ZUP1: variants seen among roughly 807,000 people sequenced by gnomAD.
ZUP1 encodes zinc finger containing ubiquitin peptidase 1.
In ZUP1, 55 loss-of-function variants were observed where a neutral mutation model predicts 68.1. The ratio of observed to expected loss-of-function variants is 0.81; its 90% CI spans 0.65 to 1.01. The LOEUF (loss-of-function observed/expected upper bound fraction) is 1.01, where lower values mean the gene tolerates loss of function less well. Among genes scored for constraint, ZUP1 ranks in the 50% least tolerant of loss-of-function variants. The pLI is 0.00. For synonymous variants in ZUP1, 223 were observed against 221.5 expected (o/e 1.01, Z -0.06); for missense variants, 684 against 674.9 (o/e 1.01, Z -0.15).
chr6:116,666,980 T>C lies in ZUP1; in HGVS notation c.213A>G (p.Gly71=), dbSNP rs1324968197. The C allele has an allele frequency of 6.2e-7, 1 of 1,613,766 alleles. No individual in the cohort carries two copies. The highest frequency in any genetic ancestry group is 2.2e-5 in the East Asian group (1 of 44,818). Residue 71 remains glycine, a synonymous_variant, in exon 2 of 10, where the codon GGA becomes GGG. Coordinates refer to ENST00000368576, the MANE Select transcript of ZUP1 (RefSeq NM_145062.3). ...TGTTGTCTTTCTTGTTATCTGAAGT[T>C]CCATATTGTACTGTATTTATCCTCT... ...NFERINTVQY[G]TSDNKKDNTL...
intron 9 of ZUP1, among the ~76,000 whole-genome samples, chr6:116,638,006 C>T (rs1775953600): frequency 7.1e-6 from 1 of 141,544 alleles, no homozygotes. Flanking sequence ...GCAGAGGTTG[C>T]AGTGGGCTGG....
chr6:116,656,605 C>A, intron 5 of ZUP1, 79 bp downstream of exon 5: 16 of 1,198,858 alleles, frequency 1.3e-5, no homozygotes, highest in East Asian at 5.4e-5. Context: ...GAAAATTAAG[C>A]AAAATTAAAA....
intron 9 of ZUP1, among the ~76,000 whole-genome samples, chr6:116,639,830 T>G (rs1467742062): frequency 1.3e-5 from 2 of 152,238 alleles, no homozygotes; most frequent in African/African-American, 4.8e-5. Context: ...GGAACAAAGC[T>G]GGACGGAGAA....
chr6:116,666,940 T>C lies in ZUP1; in HGVS notation c.253A>G (p.Met85Val). 1 of 1,613,542 alleles carries C rather than the reference T, an allele frequency of 6.2e-7. No individual in the cohort carries two copies. ...GAAAGAATACTTGAATTAACTTCCA[T>C]TCCACACTGTAGGGTGTTGTCTTTC... is the stretch of plus-strand genomic sequence containing the variant. ...NKKDNTLQCG[M>V]EVNSSILSGC... The change falls in exon 2 of 10, where the codon ATG (methionine) becomes GTG (valine). Residue 85 changes from methionine to valine, a missense_variant. Physicochemically the swap from Met to Val is conservative, Grantham distance 21. Coordinates refer to ENST00000368576, the MANE Select transcript of ZUP1 (RefSeq NM_145062.3).
At chr6:116,640,471 C>T (rs1382527854) in intron 9 of ZUP1, among the ~76,000 whole-genome samples, 1 of 152,032 alleles carries the variant, frequency 6.6e-6, no homozygotes, top group East Asian at 1.9e-4. Flanking sequence ...GGAAGCCCAT[C>T]AGACTAACAG....
At chr6:116,650,623 C>T (rs1776461968) in intron 7 of ZUP1, among the ~76,000 whole-genome samples, 1 of 151,924 alleles carries the variant, frequency 6.6e-6, no homozygotes, top group Non-Finnish European at 1.5e-5. Flanking sequence ...AATAGTAGAC[C>T]TAAGTACAGA....
intron 5 of ZUP1, among the ~76,000 whole-genome samples, chr6:116,654,481 T>C (rs1583372842): frequency 6.6e-6 from 1 of 151,928 alleles, no homozygotes; most frequent in East Asian, 1.9e-4. Flanking sequence ...AAAATATAAA[T>C]ATTTGAAGAA....
intron 7 of ZUP1, among the ~76,000 whole-genome samples, chr6:116,650,282 C>G (rs1776444058): frequency 6.6e-6 from 1 of 151,686 alleles, no homozygotes. Flanking sequence ...ATTAGCCAGG[C>G]GTGGTAGCGG....
intron 9 of ZUP1, among the ~76,000 whole-genome samples, chr6:116,639,621 GA>G (rs1776023027): frequency 6.6e-6 from 1 of 152,198 alleles, no homozygotes; most frequent in African/African-American, 2.4e-5. Flanking sequence ...ACCTGCAGCT[GA>G]GGGTCCTGTC....
chr6:116,660,366 G>A (rs1397268135), intron 3 of ZUP1: 1 of 157,484 alleles, frequency 6.3e-6, no homozygotes, highest in African/African-American at 2.4e-5. Context: ...TTTAAACAAT[G>A]CCACTATTAA....
intron 3 of ZUP1, among the ~76,000 whole-genome samples, chr6:116,659,829 T>C (rs1361530725): frequency 2.0e-5 from 3 of 152,184 alleles, no homozygotes; most frequent in Admixed American, 6.5e-5. Context: ...GGTTTAATTA[T>C]ATCACTGACT....
At chr6:116,661,678 C>A (rs752532743) in intron 2 of ZUP1, among the ~76,000 whole-genome samples, 1 of 152,096 alleles carries the variant, frequency 6.6e-6, no homozygotes, top group Non-Finnish European at 1.5e-5. Flanking sequence ...AAGAGGGACC[C>A]AGAATTGTGC....
chr6:116,662,368 A>G (rs556511644), intron 2 of ZUP1, among the ~76,000 whole-genome samples: 28 of 151,700 alleles, frequency 1.8e-4, no homozygotes, highest in Non-Finnish European at 3.5e-4. Context: ...ACCACACTAC[A>G]CCTCATATCC....
At chr6:116,660,166 T>C (rs1776792529) in intron 3 of ZUP1, 1 of 152,312 alleles carries the variant, frequency 6.6e-6, no homozygotes, top group South Asian at 2.1e-4. Flanking sequence ...TGAACACCGA[T>C]ACTGGTACTA....
Position 116,660,740 on chromosome 6 carries a change from C to T in ZUP1, c.666G>A (p.Gln222=). The T allele has an allele frequency of 6.3e-7, 1 of 1,575,504 alleles. No homozygotes were observed. The highest frequency in any genetic ancestry group is 8.7e-7 in the Non-Finnish European group (1 of 1,150,240). ...TCTTCAAACATATAAACATACCTTG[C>T]TGAAAGCTGTTTTCTTCCAAATGCA... ...VDLHLEENSF[Q]QGMDRVQCSG... Residue 222 remains glutamine, a synonymous_variant, in exon 3 of 10, where the codon CAG becomes CAA. Coordinates refer to ENST00000368576, the MANE Select transcript of ZUP1 (RefSeq NM_145062.3).
intron 9 of ZUP1, among the ~76,000 whole-genome samples, chr6:116,638,338 AT>A (rs1775966918): frequency 6.6e-6 from 1 of 152,038 alleles, no homozygotes; most frequent in African/African-American, 2.4e-5. Context: ...CCAAGTGGAA[AT>A]TTTTCAATTC....
At position 116,658,797 on chromosome 6, in the gene ZUP1, T is replaced by C. The variant is rs1277138509; in HGVS notation, c.792+6A>G. On this transcript the variant is annotated splice_donor_region_variant and intron_variant, in intron 4 of 9. Transcript: ENST00000368576. Reference sequence around the variant, plus strand: ...AAAATATTATAATTGTTATTAATCTTTGTACCTGCAGCTTCTGAAATTCTT... The same window carrying C: ...AAAATATTATAATTGTTATTAATCTCTGTACCTGCAGCTTCTGAAATTCTT... 3.9e-6 allele frequency: 6 copies of C among 1,556,984 alleles called. No individual in the cohort carries two copies. The South Asian group carries it at 5.7e-5, about 15-fold the overall frequency.
chr6:116,655,810 T>C (rs554552679), intron 5 of ZUP1, among the ~76,000 whole-genome samples: 1 of 152,246 alleles, frequency 6.6e-6, no homozygotes, highest in Admixed American at 6.5e-5. Flanking sequence ...AATGATACAA[T>C]GTATATAGAG....
In ZUP1 at chr6:116,645,214, T is replaced by C. The variant is rs768631947; in HGVS notation, c.1689+500A>G. Among the ~76,000 whole-genome samples, 90 of 152,132 alleles carry C rather than the reference T, an allele frequency of 5.9e-4. 2 individuals carry two copies. The highest frequency in any genetic ancestry group is 2.2e-4 in the Non-Finnish European group (15 of 68,022). ...AAGTACCATTTCAAATATAAATATG[T>C]TCATTCCAGAAATTAAAAACATATA... On this transcript the variant is annotated intron_variant, in intron 9 of 9. Coordinates refer to ENST00000368576, the MANE Select transcript of ZUP1 (RefSeq NM_145062.3).
Sources: gnomAD v4.1 joint callset for allele counts (sites outside exome capture counted in the v4.1 genomes callset) on GRCh38, gnomAD v4.1.1 for gene constraint, MANE v1.5 for transcripts, NCBI Gene and HGNC (gene_info 2026-07-23, HGNC 2026-07-21) for gene names.